The following CACNA2D1 variants were observed in gnomAD, a reference collection of about 807,000 sequenced individuals.
CACNA2D1 encodes calcium voltage-gated channel auxiliary subunit alpha2delta 1.
In CACNA2D1, 53 loss-of-function variants were observed where a neutral mutation model predicts 171.5. The observed-to-expected ratio is 0.31, with a 90% CI of 0.25 to 0.39. The LOEUF (loss-of-function observed/expected upper bound fraction) is 0.39, where lower values mean the gene tolerates loss of function less well. Among genes scored for constraint, CACNA2D1 ranks in the 10% least tolerant of loss-of-function variants. The pLI is 1.00. For missense variants in CACNA2D1, 903 were observed against 1,299.8 expected, an observed-to-expected ratio of 0.69 and a Z score of 4.69; for synonymous variants, 442 against 443.1, an observed-to-expected ratio of 1.00 and a Z score of 0.03.
chr7:82,371,546 A>G (rs1320764154), intron 1 of CACNA2D1, among the ~76,000 whole-genome samples: 1 of 152,142 alleles, frequency 6.6e-6, no homozygotes, highest in Non-Finnish European at 1.5e-5. Context: ...AAATAAAAGT[A>G]TTGCTAATCT....
Position 82,005,759 on chromosome 7 carries a change from T to C in CACNA2D1, c.1515+6A>G. On this transcript the variant is annotated splice_donor_region_variant and intron_variant, in intron 17 of 38. Coordinates refer to ENST00000356860, the MANE Select transcript of CACNA2D1 (RefSeq NM_000722.4). ...AAGGGTATCAAAAGAGCAAATTTCATCTTACTGTAAAACGTGGTGTCAGTC... is the reference window on the plus strand; with the variant it reads ...AAGGGTATCAAAAGAGCAAATTTCACCTTACTGTAAAACGTGGTGTCAGTC... 7 of 1,570,402 alleles carry C rather than the reference T, an allele frequency of 4.5e-6. No homozygotes were observed. The highest frequency in any genetic ancestry group is 6.1e-6 in the Non-Finnish European group (7 of 1,140,282).
At chr7:82,280,094 T>A (rs1809886983) in intron 3 of CACNA2D1, among the ~76,000 whole-genome samples, 1 of 152,126 alleles carries the variant, frequency 6.6e-6, no homozygotes, top group African/African-American at 2.4e-5. Context: ...AAGTAAATCT[T>A]GTGAATCAAA....
chr7:82,248,918 C>G (rs537239883), intron 3 of CACNA2D1, among the ~76,000 whole-genome samples: 28 of 151,942 alleles, frequency 1.8e-4, no homozygotes, highest in Admixed American at 1.6e-3. Context: ...AAGATCGAGA[C>G]CATCCTGGCT....
chr7:82,431,122 C>T (rs898299707), intron 1 of CACNA2D1, among the ~76,000 whole-genome samples: 3 of 152,176 alleles, frequency 2.0e-5, no homozygotes, highest in South Asian at 2.1e-4. Flanking sequence ...TTACACTCCA[C>T]CGCATCTCTT....
At chr7:82,049,191 T>G (rs1441596063) in intron 10 of CACNA2D1, among the ~76,000 whole-genome samples, 1 of 151,066 alleles carries the variant, frequency 6.6e-6, no homozygotes, top group Non-Finnish European at 1.5e-5. Flanking sequence ...TTATAACAAC[T>G]AAATTTGTCC....
chr7:82,060,243 T>TA (rs1297306713), intron 10 of CACNA2D1, among the ~76,000 whole-genome samples, 185 bp downstream of exon 10: 1 of 80,896 alleles, frequency 1.2e-5, no homozygotes, highest in African/African-American at 4.2e-5. Context: ...ATAATATGTA[T>TA]AAAAAACCTT....
At chr7:82,015,407 CTG>C (rs1800326232) in intron 12 of CACNA2D1, among the ~76,000 whole-genome samples, 1 of 152,106 alleles carries the variant, frequency 6.6e-6, no homozygotes, top group African/African-American at 2.4e-5. Flanking sequence ...AAAATATTGA[CTG>C]TTCCTAACAT....
intron 5 of CACNA2D1, among the ~76,000 whole-genome samples, chr7:82,128,474 G>C (rs1790593655): frequency 6.6e-6 from 1 of 152,098 alleles, no homozygotes. Flanking sequence ...TCCTTGAAGA[G>C]CATAAACTTT....
At chr7:82,339,820 A>G (rs1818405377) in intron 2 of CACNA2D1, among the ~76,000 whole-genome samples, 1 of 152,200 alleles carries the variant, frequency 6.6e-6, no homozygotes, top group Admixed American at 6.5e-5. Flanking sequence ...TAATCCCCAG[A>G]ACCTGTTAAT....
chr7:82,150,402 A>T (rs1793733059), intron 4 of CACNA2D1, among the ~76,000 whole-genome samples: 1 of 145,214 alleles, frequency 6.9e-6, no homozygotes, highest in Admixed American at 7.0e-5. Flanking sequence ...TTATTCTGAA[A>T]ACAAAGCAAA....
chr7:82,242,200 G>A (rs954553833), intron 3 of CACNA2D1, among the ~76,000 whole-genome samples: 14 of 152,024 alleles, frequency 9.2e-5, no homozygotes, highest in Non-Finnish European at 1.0e-4. Context: ...GAATTTTATC[G>A]CCAAGAGTAA....
intron 4 of CACNA2D1, among the ~76,000 whole-genome samples, chr7:82,147,993 C>T (rs187466121): frequency 1.6e-4 from 25 of 152,198 alleles, no homozygotes; most frequent in Middle Eastern, 3.4e-3. Flanking sequence ...ACATCCAAGA[C>T]GCCCCAGTAA....
intron 1 of CACNA2D1, among the ~76,000 whole-genome samples, chr7:82,374,705 G>A (rs951806088): frequency 6.6e-6 from 1 of 151,414 alleles, no homozygotes; most frequent in South Asian, 2.1e-4. Context: ...CAATGTAGTT[G>A]CTTAAATTTT....
chr7:82,130,806 T>C (rs74961400), intron 5 of CACNA2D1, among the ~76,000 whole-genome samples: 9,367 of 141,762 alleles, frequency 0.066, 336 homozygotes, highest in South Asian at 0.15. Context: ...TTTTTTTTTT[T>C]TTTTTTTTGA....
chr7:82,084,638 G>C (rs1810228326), intron 7 of CACNA2D1, 131 bp downstream of exon 7: 1 of 1,057,692 alleles, frequency 9.5e-7, no homozygotes, highest in Non-Finnish European at 1.4e-6. Context: ...CATGTAAAGA[G>C]GAATGTTCTT....
intron 3 of CACNA2D1, among the ~76,000 whole-genome samples, chr7:82,265,795 T>C (rs1418325232): frequency 6.6e-6 from 1 of 152,144 alleles, no homozygotes; most frequent in African/African-American, 2.4e-5. Context: ...TTTTCAATCA[T>C]TGCCCTCTTT....
intron 4 of CACNA2D1, among the ~76,000 whole-genome samples, chr7:82,146,098 C>T (rs2129097521): frequency 6.6e-6 from 1 of 151,802 alleles, no homozygotes; most frequent in East Asian, 1.9e-4. Flanking sequence ...AATCTACAAG[C>T]CAAAGCCATC....
intron 3 of CACNA2D1, among the ~76,000 whole-genome samples, chr7:82,316,948 A>T (rs1454408918): frequency 1.3e-5 from 2 of 152,122 alleles, no homozygotes; most frequent in African/African-American, 4.8e-5. Context: ...TCAGGGTGAG[A>T]TTTGGGCGGG....
intron 3 of CACNA2D1, among the ~76,000 whole-genome samples, chr7:82,233,636 C>T (rs975292477): frequency 6.6e-6 from 1 of 152,058 alleles, no homozygotes; most frequent in Admixed American, 6.6e-5. Flanking sequence ...GTAGGGACAA[C>T]CTTTGAATAC....
Sources: allele counts gnomAD v4.1 joint callset (sites outside exome capture counted in the v4.1 genomes callset), GRCh38; gene constraint gnomAD v4.1.1; transcripts MANE v1.5; gene names NCBI Gene and HGNC (gene_info 2026-07-23, HGNC 2026-07-21).